The following RGS22 variants were observed in gnomAD, a reference collection of about 807,000 sequenced individuals.
RGS22 encodes the protein regulator of G protein signaling 22.
RGS22 carries 148 observed loss-of-function variants against 172.9 expected under a neutral mutation model. That is an observed-to-expected ratio of 0.86 (90% CI 0.75 to 0.98). RGS22 has a LOEUF of 0.98. Among genes scored for constraint, RGS22 ranks in the 50% least tolerant of loss-of-function variants. The pLI is 0.00. For synonymous variants in RGS22, 458 were observed against 480.2 expected, an observed-to-expected ratio of 0.95 and a Z score of 0.60; for missense variants, 1,347 against 1,440.8, an observed-to-expected ratio of 0.93 and a Z score of 1.05.
At chr8:100,071,610 T>G in intron 5 of RGS22, 73 bp from the exon 6 acceptor site, 1 of 1,284,126 alleles carries the variant, frequency 7.8e-7, no homozygotes, top group Non-Finnish European at 1.1e-6. Flanking sequence ...AACCTAAAAT[T>G]TTATGTATTC....
intron 14 of RGS22, among the ~76,000 whole-genome samples, chr8:100,012,978 ATTTTTTT>A (rs35339430): frequency 1.1e-4 from 10 of 88,746 alleles, no homozygotes; most frequent in African/African-American, 1.3e-4. Flanking sequence ...AACGCCTTTG[ATTTTTTT>A]TTTTTTTTTT....
chr8:100,092,471 C>G (rs923614852), intron 3 of RGS22, among the ~76,000 whole-genome samples: 1 of 152,154 alleles, frequency 6.6e-6, no homozygotes, highest in African/African-American at 2.4e-5. Flanking sequence ...GGGCTCTGCT[C>G]TCCTGAATGG....
intron 3 of RGS22, among the ~76,000 whole-genome samples, chr8:100,083,919 G>C (rs2131929557): frequency 6.8e-6 from 1 of 148,080 alleles, no homozygotes; most frequent in African/African-American, 2.5e-5. Flanking sequence ...GCGCGATCTT[G>C]GCTCACTGCA....
intron 23 of RGS22, among the ~76,000 whole-genome samples, chr8:99,976,063 G>A (rs1399215868): frequency 6.6e-6 from 1 of 151,920 alleles, no homozygotes; most frequent in East Asian, 1.9e-4. Flanking sequence ...GGTGGCATGT[G>A]CCTGTAGTCC....
At chr8:100,096,757 C>T (rs1184221966) in intron 2 of RGS22, among the ~76,000 whole-genome samples, 1 of 150,922 alleles carries the variant, frequency 6.6e-6, no homozygotes, top group Non-Finnish European at 1.5e-5. Flanking sequence ...AATCCTCCCA[C>T]CTAGACCTCC....
chr8:100,080,999 T>A (rs1191448723), intron 3 of RGS22, among the ~76,000 whole-genome samples: 8 of 152,338 alleles, frequency 5.3e-5, no homozygotes, highest in African/African-American at 1.9e-4. Context: ...AGTACCTCTG[T>A]GACTCTAGGT....
intron 14 of RGS22, among the ~76,000 whole-genome samples, chr8:100,025,029 T>TA: frequency 6.6e-6 from 1 of 151,602 alleles, no homozygotes; most frequent in African/African-American, 2.4e-5. Flanking sequence ...AATAAATAAA[T>TA]AAATAAATGA....
In RGS22 at chr8:100,063,953, T is replaced by C. The variant is rs778313138; in HGVS notation, c.815A>G (p.Glu272Gly). 6.3e-7 allele frequency: 1 copy of C among 1,576,770 alleles called. No homozygotes were observed. Residue 272 changes from glutamate to glycine, a missense_variant, in exon 8 of 28, where the codon GAA (glutamate) becomes GGA (glycine). Glu to Gly is a moderately conservative substitution (Grantham distance 98, BLOSUM62 -2). Coordinates refer to ENST00000360863, the MANE Select transcript of RGS22 (RefSeq NM_015668.5). ...TACAGACACCTCTTCTTCTTCTCCTTCTTCTTCTTCAAATTCAGAAATCAA... is the reference window on the plus strand; with the variant it reads ...TACAGACACCTCTTCTTCTTCTCCTCCTTCTTCTTCAAATTCAGAAATCAA... ...NKLISEFEEE[E>G]GEEEEVSVSL...
chr8:99,981,743 T>A (rs1325563307), intron 22 of RGS22, among the ~76,000 whole-genome samples, 194 bp downstream of exon 22: 4 of 142,974 alleles, frequency 2.8e-5, no homozygotes, highest in East Asian at 2.0e-4. Flanking sequence ...TTTTTTTTTT[T>A]AAGAGACGGG....
At chr8:100,078,361 C>A (rs931979103) in intron 4 of RGS22, among the ~76,000 whole-genome samples, 2 of 151,454 alleles carry the variant, frequency 1.3e-5, no homozygotes, top group African/African-American at 4.8e-5. Flanking sequence ...GCCTCAGCCT[C>A]CTAAAGCTCT....
intron 18 of RGS22, among the ~76,000 whole-genome samples, chr8:100,001,005 G>C (rs1814980576): frequency 6.6e-6 from 1 of 150,476 alleles, no homozygotes; most frequent in Non-Finnish European, 1.5e-5. Context: ...TATACCATTA[G>C]AACATGCATT....
chr8:100,080,512 G>C, intron 3 of RGS22, 157 bp from the exon 4 acceptor site: 1 of 623,792 alleles, frequency 1.6e-6, no homozygotes, highest in South Asian at 2.0e-5. Context: ...AAATCCCTTG[G>C]GTAGAGGTCA....
At chr8:99,989,724 A>G (rs1813482037) in intron 20 of RGS22, among the ~76,000 whole-genome samples, 1 of 152,150 alleles carries the variant, frequency 6.6e-6, no homozygotes, top group Admixed American at 6.5e-5. Context: ...GCGTGCCTGT[A>G]ATCCCAACTA....
Position 100,050,051 on chromosome 8 carries a change from A to G in RGS22, c.1690-2455T>C, listed in dbSNP as rs1487608820. 1.9e-3 allele frequency among the ~76,000 whole-genome samples: 49 copies of G among 25,948 alleles called. No individual in the cohort carries two copies. In the East Asian group the frequency reaches 0.067, roughly 35 times the overall value. The allele number at this position is 25,948 out of a possible 152,430, so 17.0% of individuals were successfully genotyped here. ...GCAACAAAAACGAAACTCCATCTCCAAAAAAAAAAAAAAGGAAAAAAAGAA... is the reference window on the plus strand; with the variant it reads ...GCAACAAAAACGAAACTCCATCTCCGAAAAAAAAAAAAAGGAAAAAAAGAA... On this transcript the variant is annotated intron_variant, in intron 10 of 27. Transcript: ENST00000360863.
chr8:100,077,396 C>A (rs1165554326), intron 4 of RGS22, among the ~76,000 whole-genome samples: 1 of 152,032 alleles, frequency 6.6e-6, no homozygotes, highest in Non-Finnish European at 1.5e-5. Flanking sequence ...CTGTAAAGAC[C>A]AATTTAGTTG....
chr8:99,963,107 C>A, intron 24 of RGS22, 129 bp from the exon 25 acceptor site: 1 of 691,890 alleles, frequency 1.4e-6, no homozygotes. Context: ...AAGAAAAGTG[C>A]ACATCACAAG....
At chr8:100,053,458 G>A (rs1211870292) in intron 9 of RGS22, among the ~76,000 whole-genome samples, 3 of 118,388 alleles carry the variant, frequency 2.5e-5, no homozygotes, top group Non-Finnish European at 5.2e-5. Flanking sequence ...GGGAGGGAGG[G>A]AGAGAGGGAG....
intron 14 of RGS22, among the ~76,000 whole-genome samples, chr8:100,029,702 C>CAAAAAA (rs369058108): frequency 3.2e-5 from 2 of 61,992 alleles, no homozygotes; most frequent in African/African-American, 5.3e-5. Flanking sequence ...AACTCCGTCT[C>CAAAAAA]AAAAAAAAAA....
At chr8:100,028,851 C>T (rs1818459470) in intron 14 of RGS22, among the ~76,000 whole-genome samples, 1 of 152,166 alleles carries the variant, frequency 6.6e-6, no homozygotes, top group African/African-American at 2.4e-5. Flanking sequence ...AATCCTCTCC[C>T]ACCAAGTATG....
Sources: gnomAD v4.1 joint callset for allele counts (sites outside exome capture counted in the v4.1 genomes callset) on GRCh38, gnomAD v4.1.1 for gene constraint, MANE v1.5 for transcripts, NCBI Gene and HGNC (gene_info 2026-07-23, HGNC 2026-07-21) for gene names.